The following BRWD1 variants were observed in gnomAD, a reference collection of about 807,000 sequenced individuals.
BRWD1 encodes bromodomain and WD repeat domain containing 1.
Under a neutral mutation model 251.2 loss-of-function variants are expected in BRWD1, and 82 were observed. The observed-to-expected ratio is 0.33, with a 90% CI of 0.27 to 0.39. BRWD1 has a LOEUF of 0.39. BRWD1 is among the 10% of genes least tolerant of loss of function. BRWD1 has a pLI of 1.00. For synonymous variants in BRWD1, 918 were observed against 902.8 expected, an observed-to-expected ratio of 1.02 and a Z score of -0.30; for missense variants, 2,233 against 2,711.6, an observed-to-expected ratio of 0.82 and a Z score of 3.92.
rs1388730055 is a variant in BRWD1 at position 39,277,154 on chromosome 21, A to T, written c.1104+97T>A. ...AGTTCATTTGTTCAACAGAAAAAAA[A>T]TTAAAAATAAAAGTAGAGCCAATAA... On this transcript the variant is annotated intron_variant, in intron 11 of 40. Transcript: ENST00000342449. 11 of 750,966 alleles carry T rather than the reference A, an allele frequency of 1.5e-5. No homozygotes were observed. The East Asian group carries it at 3.2e-4, about 22-fold the overall frequency. 46.5% of individuals were successfully genotyped at this position (750,966 alleles called of 1,614,324 possible).
At chr21:39,272,319 A>G (rs2035141936) in intron 13 of BRWD1, among the ~76,000 whole-genome samples, 1 of 150,184 alleles carries the variant, frequency 6.7e-6, no homozygotes, top group Non-Finnish European at 1.5e-5. Flanking sequence ...TAAAAAAAAA[A>G]AAAAAGACCA....
intron 27 of BRWD1, among the ~76,000 whole-genome samples, chr21:39,226,250 G>T (rs1001142818): frequency 6.6e-6 from 1 of 151,996 alleles, no homozygotes; most frequent in African/African-American, 2.4e-5. Flanking sequence ...TTATGTTAAG[G>T]CTTTTCAAAT....
chr21:39,191,647 C>A lies in BRWD1; in HGVS notation c.*4612G>T. On this transcript the variant is annotated 3_prime_UTR_variant, in exon 41 of 41. Transcript: ENST00000342449. ...ATTTAGAAAATTAACTTGAATATAT[C>A]AAAAATTAAAGATCCCTTTAACTTT... The A allele has an allele frequency of 3.0e-6, 3 of 984,012 alleles. No homozygotes were observed. The highest frequency in any genetic ancestry group is 3.6e-6 in the Non-Finnish European group (3 of 828,874). The allele number at this position is 984,012 out of a possible 1,614,324, so 61.0% of individuals were successfully genotyped here. A position where few individuals can be genotyped will look rare whatever the true frequency, so the allele number is the denominator to read the frequency against.
Position 39,192,923 on chromosome 21 carries a change from T to C in BRWD1, c.*3336A>G. On this transcript the variant is annotated 3_prime_UTR_variant, in exon 41 of 41. Transcript: ENST00000342449. ...GGAGGTTAGTAAATTGTTTTCTGAT[T>C]CTTCTACAAAAAAAAAAGTCTAGAA... is the stretch of plus-strand genomic sequence containing the variant. 8 of 946,920 alleles carry C rather than the reference T, an allele frequency of 8.4e-6. No homozygotes were observed. Among genetic ancestry groups the C allele is most frequent in the Non-Finnish European group, 9.8e-6 (8 of 815,862 alleles). The allele number at this position is 946,920 out of a possible 1,614,324, so 58.7% of individuals were successfully genotyped here.
intron 31 of BRWD1, among the ~76,000 whole-genome samples, chr21:39,215,721 GCTGGGATTACAC>G (rs2032861272): frequency 6.6e-6 from 1 of 152,084 alleles, no homozygotes; most frequent in Non-Finnish European, 1.5e-5. Flanking sequence ...GGCCCAGCAA[GCTGGGATTACAC>G]CTGTAATCCC....
chr21:39,270,816 T>C (rs375365609), intron 13 of BRWD1, among the ~76,000 whole-genome samples: 13 of 152,304 alleles, frequency 8.5e-5, no homozygotes, highest in South Asian at 4.1e-4. Context: ...AACACAAAAA[T>C]AAGGTAATTC....
chr21:39,220,918 G>T (rs530397233), intron 29 of BRWD1, among the ~76,000 whole-genome samples: 2 of 152,212 alleles, frequency 1.3e-5, no homozygotes, highest in African/African-American at 4.8e-5. Context: ...AGCACTTTGG[G>T]ATGCCGAGGC....
Position 39,229,411 on chromosome 21 carries a change from C to G in BRWD1, c.3026G>C (p.Gly1009Ala), listed in dbSNP as rs1182374226. 6.2e-7 allele frequency: 1 copy of G among 1,609,670 alleles called. No homozygotes were observed. Among genetic ancestry groups the G allele is most frequent in the Non-Finnish European group, 8.5e-7 (1 of 1,176,598 alleles). The change falls in exon 26 of 41, where the codon GGA (glycine) becomes GCA (alanine). Residue 1009 changes from glycine (G) to alanine (A), a missense_variant. Physicochemically the swap from Gly to Ala is moderately conservative, Grantham distance 60. Around this residue, in one of 12 missense-constraint regions of BRWD1, gnomAD observed 139 missense variants for 272.8 expected, o/e 0.51. Transcript: ENST00000342449. ...AGGGGGCCCAACTTCATATCGTATTCCAACTATTTTAACCAATTCTTGATC... is the reference window on the plus strand; with the variant it reads ...AGGGGGCCCAACTTCATATCGTATTGCAACTATTTTAACCAATTCTTGATC... ...LRDQELVKIV[G>A]IRYEVGPPTL... is the part of the protein sequence containing the mutation.
Position 39,194,095 on chromosome 21 carries a change from A to G in BRWD1, c.*2164T>C. On this transcript the variant is annotated 3_prime_UTR_variant, in exon 41 of 41. Coordinates refer to ENST00000342449, the MANE Select transcript of BRWD1 (RefSeq NM_033656.4). ...ATACCACTTCTGTATGCAAGGGTCT[A>G]ACTATTTTGGACTGAAAGAAAAAAT... 1.0e-6 allele frequency: 1 copy of G among 985,462 alleles called. No homozygotes were observed. Among genetic ancestry groups the G allele is most frequent in the East Asian group, 1.1e-4 (1 of 8,814 alleles). The allele number at this position is 985,462 out of a possible 1,614,324, so 61.0% of individuals were successfully genotyped here. A position where few individuals can be genotyped will look rare whatever the true frequency, so the allele number is the denominator to read the frequency against.
rs57151774 is a variant in BRWD1 at position 39,286,016 on chromosome 21, C to CTTT, written c.832-5771_832-5769dup. On this transcript the variant is annotated intron_variant, in intron 8 of 40. Coordinates refer to ENST00000342449, the MANE Select transcript of BRWD1 (RefSeq NM_033656.4). Reference sequence around the variant, plus strand: ...CATAACATAAAACTCACCATATGAACTTTTTTTTTTTTTTTGAGTCAAGAG... The same window carrying CTTT: ...CATAACATAAAACTCACCATATGAACTTTTTTTTTTTTTTTTTTGAGTCAAGAG... Among the ~76,000 whole-genome samples, 2 of 104,806 alleles carry CTTT rather than the reference C, an allele frequency of 1.9e-5. 1 individual carries two copies. Among genetic ancestry groups the CTTT allele is most frequent in the African/African-American group, 7.8e-5 (2 of 25,606 alleles). 68.8% of individuals were successfully genotyped at this position (104,806 alleles called of 152,430 possible). A position where few individuals can be genotyped will look rare whatever the true frequency, so the allele number is the denominator to read the frequency against.
chr21:39,223,850 TTTTTG>T (rs1017655045), intron 29 of BRWD1, among the ~76,000 whole-genome samples: 6 of 152,050 alleles, frequency 3.9e-5, no homozygotes, highest in African/African-American at 1.2e-4. Context: ...GGATGTAAAT[TTTTTG>T]TTTTGTTTTT....
chr21:39,255,527 C>A (rs1309820426), intron 19 of BRWD1, 118 bp downstream of exon 19: 1 of 800,284 alleles, frequency 1.2e-6, no homozygotes, highest in African/African-American at 1.7e-5. Context: ...GATTCCCACT[C>A]ATTACTAATA....
At position 39,194,227 on chromosome 21, in the gene BRWD1, G is replaced by A. The variant is rs1188298968; in HGVS notation, c.*2032C>T. On this transcript the variant is annotated 3_prime_UTR_variant, in exon 41 of 41. Transcript: ENST00000342449. ...AAATATTGTTTTATACCAAAAGAAT[G>A]TATGTACTTATGAATGTATTCCATA... is the stretch of plus-strand genomic sequence containing the variant. 2.0e-6 allele frequency: 2 copies of A among 981,718 alleles called. No homozygotes were observed. Among genetic ancestry groups the A allele is most frequent in the Non-Finnish European group, 2.4e-6 (2 of 825,494 alleles). 60.8% of individuals were successfully genotyped at this position (981,718 alleles called of 1,614,324 possible).
At chr21:39,288,370 C>T (rs2035705942) in intron 8 of BRWD1, among the ~76,000 whole-genome samples, 1 of 152,224 alleles carries the variant, frequency 6.6e-6, no homozygotes, top group South Asian at 2.1e-4. Context: ...GCCTAAGTGC[C>T]AGAAGGCAAG....
chr21:39,312,776 G>A (rs969044314), intron 4 of BRWD1, 65 bp downstream of exon 4: 9 of 1,399,356 alleles, frequency 6.4e-6, no homozygotes, highest in East Asian at 2.6e-5. Flanking sequence ...TCCCCGCGAG[G>A]GGAAGGGGCG....
At chr21:39,288,214 C>T (rs572425819) in intron 8 of BRWD1, among the ~76,000 whole-genome samples, 1 of 152,264 alleles carries the variant, frequency 6.6e-6, no homozygotes, top group African/African-American at 2.4e-5. Flanking sequence ...CTGGCTTCCC[C>T]CAAGACCAGT....
chr21:39,277,735 T>G (rs907991897), intron 10 of BRWD1, among the ~76,000 whole-genome samples: 2 of 152,048 alleles, frequency 1.3e-5, no homozygotes, highest in Non-Finnish European at 1.5e-5. Context: ...AGCTAATTTT[T>G]TGTATTTTTA....
intron 6 of BRWD1, 55 bp downstream of exon 6, chr21:39,296,210 G>T: frequency 7.1e-7 from 1 of 1,398,656 alleles, no homozygotes; most frequent in Non-Finnish European, 9.7e-7. Flanking sequence ...TATAAAGGTT[G>T]TTGAGAAATT....
At chr21:39,306,447 T>C (rs1340136612) in intron 4 of BRWD1, among the ~76,000 whole-genome samples, 2 of 152,020 alleles carry the variant, frequency 1.3e-5, no homozygotes, top group Admixed American at 1.3e-4. Context: ...TGTATACGAG[T>C]GGTAAAGACA....
Sources: gnomAD v4.1 joint callset for allele counts (sites outside exome capture counted in the v4.1 genomes callset) on GRCh38, gnomAD v4.1.1 for gene constraint, gnomAD v4.1.1 regional missense constraint, MANE v1.5 for transcripts, NCBI Gene and HGNC (gene_info 2026-07-23, HGNC 2026-07-21) for gene names.